Variants in TTC7B observed in about 807,000 individuals in gnomAD.
The protein encoded by TTC7B is tetratricopeptide repeat domain 7B, also known as tetratricopeptide repeat protein 7B.
TTC7B carries 28 observed loss-of-function variants against 106.8 expected under a neutral mutation model. The ratio of observed to expected loss-of-function variants is 0.26; its 90% CI spans 0.19 to 0.36. TTC7B has a LOEUF of 0.36. TTC7B is among the 10% of genes least tolerant of loss of function. The probability of loss-of-function intolerance (pLI) is 1.00; values close to 1 mark genes in which losing one functional copy is unlikely to be tolerated. For missense variants in TTC7B, 862 were observed against 1,076.4 expected (o/e 0.80, Z 2.79); for synonymous variants, 405 against 430.6 (o/e 0.94, Z 0.74).
intron 3 of TTC7B, chr14:90,766,687 A>G: frequency 7.2e-7 from 1 of 1,396,018 alleles, no homozygotes; most frequent in Non-Finnish European, 1.0e-6. Flanking sequence ...CATTGACTGC[A>G]CCAAGAGGGC....
intron 6 of TTC7B, among the ~76,000 whole-genome samples, chr14:90,691,049 GAAC>G (rs1887448839): frequency 6.6e-6 from 1 of 152,098 alleles, no homozygotes; most frequent in Non-Finnish European, 1.5e-5. Flanking sequence ...AACAGCTCCT[GAAC>G]TGGTTTCTTA....
In TTC7B at chr14:90,600,239, AC is replaced by A. The variant is rs1475220547; in HGVS notation, c.1967-6614del. 1.3e-5 allele frequency among the ~76,000 whole-genome samples: 2 copies of A among 152,194 alleles called. No homozygotes were observed. Among genetic ancestry groups the A allele is most frequent in the Non-Finnish European group, 2.9e-5 (2 of 68,032 alleles). The stretch of plus-strand genomic sequence containing the variant: ...ATCTCCCTGGTGCCCGGGAGTTAGG[AC>A]AATTCCCATCTTTGCTGTAGGGTAG... On this transcript the variant is annotated intron_variant, in intron 17 of 19. Transcript: ENST00000328459. This position sits in a 1 kb window ranked among gnomAD's most constrained non-coding sequence, Gnocchi z 4.3.
At chr14:90,661,409 G>A (rs918525898) in intron 9 of TTC7B, among the ~76,000 whole-genome samples, 1 of 152,184 alleles carries the variant, frequency 6.6e-6, no homozygotes, top group African/African-American at 2.4e-5. Context: ...AAGTAGGCAA[G>A]ACAGGGTGGC....
chr14:90,735,576 T>G (rs954103635), intron 4 of TTC7B, among the ~76,000 whole-genome samples: 3 of 141,946 alleles, frequency 2.1e-5, no homozygotes, highest in African/African-American at 7.9e-5. Flanking sequence ...AACCACCTAC[T>G]GGCCAGGTGC....
rs1890340644 is a variant in TTC7B at position 90,757,451 on chromosome 14, A to G, written c.446-12529T>C. On this transcript the variant is annotated intron_variant, in intron 3 of 19. Coordinates refer to ENST00000328459, the MANE Select transcript of TTC7B (RefSeq NM_001010854.2). This position sits in a 1 kb window ranked among gnomAD's most constrained non-coding sequence, Gnocchi z 4.1. Reference sequence around the variant, plus strand: ...AGGGCAGGACCCTGTCTCTAAAAAAAGAAAGAAAGAAAAGAAAAGCAGATT... The same window carrying G: ...AGGGCAGGACCCTGTCTCTAAAAAAGGAAAGAAAGAAAAGAAAAGCAGATT... Among the ~76,000 whole-genome samples, 1 of 152,166 alleles carries G rather than the reference A, an allele frequency of 6.6e-6. No individual in the cohort carries two copies. The highest frequency in any genetic ancestry group is 1.9e-4 in the East Asian group (1 of 5,192).
At chr14:90,677,424 CA>C in intron 8 of TTC7B, among the ~76,000 whole-genome samples, 1 of 152,336 alleles carries the variant, frequency 6.6e-6, no homozygotes, top group South Asian at 2.1e-4. Flanking sequence ...CTCTTTACAG[CA>C]ACTTGTTTCC....
At position 90,531,099 on chromosome 14, in the gene TTC7B, T is replaced by C. The variant is rs569324638; in HGVS notation, c.*10269A>G. The C allele has an allele frequency of 6.6e-6, 1 of 152,314 alleles. No homozygotes were observed. The highest frequency in any genetic ancestry group is 2.4e-5 in the African/African-American group (1 of 41,576). 9.4% of individuals were successfully genotyped at this position (152,314 alleles called of 1,614,324 possible). ...AGAGTTTTGTATTCAGTTGAAGTTGTTATGAGATTAAAATATATTGTTATA... is the reference window on the plus strand; with the variant it reads ...AGAGTTTTGTATTCAGTTGAAGTTGCTATGAGATTAAAATATATTGTTATA... On this transcript the variant is annotated 3_prime_UTR_variant, in exon 20 of 20. Transcript: ENST00000328459.
Position 90,577,985 on chromosome 14 carries a change from G to C in TTC7B, c.2310+121C>G. 1 of 1,241,828 alleles carries C rather than the reference G, an allele frequency of 8.1e-7. No individual in the cohort carries two copies. Among genetic ancestry groups the C allele is most frequent in the South Asian group, 1.4e-5 (1 of 70,304 alleles). 76.9% of individuals were successfully genotyped at this position (1,241,828 alleles called of 1,614,324 possible). ...TGGCTTCAGGCCATGTGACAGCCTGGCAAGCTAACTGCATGGGGCCTTTGG... is the reference window on the plus strand; with the variant it reads ...TGGCTTCAGGCCATGTGACAGCCTGCCAAGCTAACTGCATGGGGCCTTTGG... On this transcript the variant is annotated intron_variant, in intron 19 of 19. Coordinates refer to ENST00000328459, the MANE Select transcript of TTC7B (RefSeq NM_001010854.2). The surrounding 1 kb of genome is among the most constrained non-coding windows in gnomAD (Gnocchi z 5.0).
chr14:90,702,353 C>A (rs577582175), intron 5 of TTC7B, among the ~76,000 whole-genome samples: 3 of 151,594 alleles, frequency 2.0e-5, no homozygotes, highest in Admixed American at 2.0e-4. Flanking sequence ...AACAACTGTA[C>A]CCACCTCATT....
chr14:90,573,295 G>A (rs141652666), intron 19 of TTC7B, among the ~76,000 whole-genome samples: 177 of 152,266 alleles, frequency 1.2e-3, no homozygotes, highest in African/African-American at 4.1e-3. Flanking sequence ...CTGCAGGGTG[G>A]GGGCTCCATC....
chr14:90,714,545 C>T (rs1483852468), intron 5 of TTC7B, among the ~76,000 whole-genome samples: 5 of 151,688 alleles, frequency 3.3e-5, no homozygotes, highest in African/African-American at 1.2e-4. Context: ...CAACCTCTAC[C>T]TCCCGGGTTC....
intron 15 of TTC7B, among the ~76,000 whole-genome samples, chr14:90,643,402 C>T (rs531820414): frequency 6.7e-5 from 10 of 150,342 alleles, no homozygotes; most frequent in South Asian, 4.2e-4. Flanking sequence ...AGTGATATTC[C>T]GTCTCAAAAA....
At position 90,798,654 on chromosome 14, in the gene TTC7B, G is replaced by C. The variant is rs959435521; in HGVS notation, c.122-12326C>G. Among the ~76,000 whole-genome samples, 21 of 138,738 alleles carry C rather than the reference G, an allele frequency of 1.5e-4. No homozygotes were observed. In the Admixed American group the frequency reaches 1.7e-3, roughly 11 times the overall value. 91.0% of individuals were successfully genotyped at this position (138,738 alleles called of 152,430 possible). ...GAACCTGGGAGGCAGAGGTTGCAAT[G>C]AGCTGAGATCGTGCCACTACACTCC... On this transcript the variant is annotated intron_variant, in intron 1 of 19. Coordinates refer to ENST00000328459, the MANE Select transcript of TTC7B (RefSeq NM_001010854.2).
intron 3 of TTC7B, among the ~76,000 whole-genome samples, chr14:90,773,844 CA>C (rs1178891235): frequency 6.6e-6 from 1 of 152,210 alleles, no homozygotes; most frequent in Non-Finnish European, 1.5e-5. Context: ...CCCATTCCTT[CA>C]GTGTTGATCG....
chr14:90,685,947 C>T (rs568938819), intron 7 of TTC7B, among the ~76,000 whole-genome samples: 1 of 152,230 alleles, frequency 6.6e-6, no homozygotes, highest in East Asian at 1.9e-4. Context: ...TACCAATTCT[C>T]CACAAACTCT....
intron 17 of TTC7B, among the ~76,000 whole-genome samples, chr14:90,595,287 C>T (rs1438861202): frequency 3.3e-5 from 5 of 151,916 alleles, no homozygotes; most frequent in South Asian, 4.2e-4. Context: ...GAGCCGAGGT[C>T]GCTCCATTGC....
chr14:90,622,593 G>GCACCTGTAACCAGTTGTGCACCT (rs1258140438), intron 15 of TTC7B, among the ~76,000 whole-genome samples: 1 of 151,924 alleles, frequency 6.6e-6, no homozygotes, highest in Non-Finnish European at 1.5e-5. Flanking sequence ...AACCAGTTGT[G>GCACCTGTAACCAGTTGTGCACCT]GTAGCGTGCA....
rs2139829252 is a variant in TTC7B, at chr14:90,600,102, G to A, written c.1967-6476C>T. Among the ~76,000 whole-genome samples the A allele has an allele frequency of 6.6e-6, 1 of 152,298 alleles. No individual in the cohort carries two copies. The highest frequency in any genetic ancestry group is 2.1e-4 in the South Asian group (1 of 4,818). ...GGAGGCGAAGGAGTTAGTGTTGACTGTCTCTTATTTCTTGAAGGGAGAGGA... is the reference window on the plus strand; with the variant it reads ...GGAGGCGAAGGAGTTAGTGTTGACTATCTCTTATTTCTTGAAGGGAGAGGA... On this transcript the variant is annotated intron_variant, in intron 17 of 19. Coordinates refer to ENST00000328459, the MANE Select transcript of TTC7B (RefSeq NM_001010854.2). This position sits in a 1 kb window ranked among gnomAD's most constrained non-coding sequence, Gnocchi z 4.3.
chr14:90,758,716 C>T lies in TTC7B; in HGVS notation c.446-13794G>A, dbSNP rs529773394. ...AGGCCGCTAAACGCAAACTAAGGCA[C>T]CTCCCAGCACACCAGGATCGACGTG... On this transcript the variant is annotated intron_variant, in intron 3 of 19. Transcript: ENST00000328459. 3.9e-5 allele frequency among the ~76,000 whole-genome samples: 6 copies of T among 152,266 alleles called. No individual in the cohort carries two copies. In the East Asian group the frequency reaches 1.2e-3, roughly 29 times the overall value.
Sources: gnomAD v4.1 joint callset for allele counts (sites outside exome capture counted in the v4.1 genomes callset) on GRCh38, gnomAD v4.1.1 for gene constraint, Gnocchi (gnomAD v3.1) non-coding constraint, MANE v1.5 for transcripts, NCBI Gene and HGNC (gene_info 2026-07-23, HGNC 2026-07-21) for gene names.